BHLHE41: variants seen among roughly 807,000 people sequenced by gnomAD.
The protein encoded by BHLHE41 is basic helix-loop-helix family member e41.
BHLHE41 carries 14 observed loss-of-function variants against 24.0 expected under a neutral mutation model. The observed-to-expected ratio is 0.58, with a 90% confidence interval of 0.39 to 0.91. The LOEUF (loss-of-function observed/expected upper bound fraction) is 0.91, where lower values mean the gene tolerates loss of function less well. Among genes scored for constraint, BHLHE41 ranks in the 40% least tolerant of loss-of-function variants. The pLI, the probability that BHLHE41 is intolerant of heterozygous loss-of-function variation, is 0.00. For missense variants in BHLHE41, 674 were observed against 655.4 expected (o/e 1.03, Z -0.31); for synonymous variants, 394 against 315.5 (o/e 1.25, Z -2.64).
At position 26,124,083 on chromosome 12, in the gene BHLHE41, G is replaced by A; in HGVS notation, c.223C>T (p.Leu75=). ...AQLKDLLPEH[L]KLTTLGHLEK... ...AATGTGCATCTTACTGTCAATTTCA[G>A]ATGTTCAGGCAGTAAATCTTTCAGC... Residue 75 remains leucine, a synonymous_variant, in exon 3 of 5, where the codon CTG becomes TTG. Coordinates refer to ENST00000242728, the MANE Select transcript of BHLHE41 (RefSeq NM_030762.3). 6.2e-7 allele frequency: 1 copy of A among 1,604,150 alleles called. No homozygotes were observed. The highest frequency in any genetic ancestry group is 8.5e-7 in the Non-Finnish European group (1 of 1,170,922).
chr12:26,123,581 G>A, intron 4 of BHLHE41, 49 bp downstream of exon 4: 1 of 1,331,180 alleles, frequency 7.5e-7, no homozygotes, highest in East Asian at 2.3e-5. Context: ...GCTCCCCTGT[G>A]GGCTGCCCCG....
In BHLHE41 at chr12:26,122,532, G is replaced by C. The variant is rs765029255; in HGVS notation, c.983C>G (p.Ala328Gly). Residue 328 changes from alanine (A) to glycine (G), a missense_variant, in exon 5 of 5, where the codon GCG (alanine) becomes GGG (glycine). By Grantham distance (60) the Ala-to-Gly change is moderately conservative. Coordinates refer to ENST00000242728, the MANE Select transcript of BHLHE41 (RefSeq NM_030762.3). Reference sequence around the variant, plus strand: ...GGGCGCGCCTCCGCCTCCGCCGAACGCCACCAGCGAGCTGAGCAGGGCGGC... The same window carrying C: ...GGGCGCGCCTCCGCCTCCGCCGAACCCCACCAGCGAGCTGAGCAGGGCGGC... Reference protein sequence around the residue: ...PDAALLSSLVAFGGGGGAPFP... With the variant: ...PDAALLSSLVGFGGGGGAPFP... The C allele has an allele frequency of 7.9e-7, 1 of 1,267,280 alleles. No individual in the cohort carries two copies. Among genetic ancestry groups the C allele is most frequent in the Non-Finnish European group, 1.0e-6 (1 of 995,250 alleles). The allele number at this position is 1,267,280 out of a possible 1,614,324, so 78.5% of individuals were successfully genotyped here. A position where few individuals can be genotyped will look rare whatever the true frequency, so the allele number is the denominator to read the frequency against.
At chr12:26,124,014 G>A (rs1591839572) in intron 3 of BHLHE41, 58 bp downstream of exon 3, 2 of 1,149,510 alleles carry the variant, frequency 1.7e-6, no homozygotes, top group African/African-American at 3.0e-5. Flanking sequence ...TCTGGGAGTC[G>A]CACCAGACTA....
rs1427117115 is a variant in BHLHE41 at position 26,122,117 on chromosome 12, C to T, written c.1398G>A (p.Pro466=). Reference sequence around the variant, plus strand: ...AGGGATCTTCCTGAGCAGAGCTCTCCGGGTTCCCCGGCTCGCGGGGCCCGG... The same window carrying T: ...AGGGATCTTCCTGAGCAGAGCTCTCTGGGTTCCCCGGCTCGCGGGGCCCGG... ...PFAGPREPGN[P]ESSAQEDPSQ... The change falls in exon 5 of 5, where the codon CCG becomes CCA. Residue 466 remains proline (P), a synonymous_variant. Transcript: ENST00000242728. 3 of 1,549,228 alleles carry T rather than the reference C, an allele frequency of 1.9e-6. No homozygotes were observed. The highest frequency in any genetic ancestry group is 1.7e-6 in the Non-Finnish European group (2 of 1,146,406).
Position 26,122,996 on chromosome 12 carries a change from G to T in BHLHE41, c.519C>A (p.Phe173Leu). The T allele has an allele frequency of 6.4e-7, 1 of 1,566,928 alleles. No individual in the cohort carries two copies. Among genetic ancestry groups the T allele is most frequent in the Non-Finnish European group, 8.7e-7 (1 of 1,155,254 alleles). The change falls in exon 5 of 5, where the codon TTC becomes TTA. Residue 173 changes from phenylalanine to leucine, a missense_variant. Around this residue, in one of 3 missense-constraint regions of BHLHE41, gnomAD observed 602 missense variants for 570.8 expected, o/e 1.05. Transcript: ENST00000242728. ...INHLHAVATQ[F>L]LPTPQLLTQQ... ...GAGTCAACAGCTGCGGGGTGGGCAA[G>T]AACTGGGTGGCCACGGCGTGCAAGT...
In BHLHE41 at chr12:26,124,108, C is replaced by T. The variant is rs1054868339; in HGVS notation, c.198G>A (p.Gln66=). 6.2e-7 allele frequency: 1 copy of T among 1,612,760 alleles called. No individual in the cohort carries two copies. The change falls in exon 3 of 5, where the codon CAG becomes CAA. Residue 66 remains glutamine (Q), a synonymous_variant. Coordinates refer to ENST00000242728, the MANE Select transcript of BHLHE41 (RefSeq NM_030762.3). ...RRDRINECIA[Q]LKDLLPEHLK... ...GATGTTCAGGCAGTAAATCTTTCAG[C>T]TGAGCAATGCATTCATTAATTCGGT...
Position 26,122,468 on chromosome 12 carries a change from C to A in BHLHE41, c.1047G>T (p.Leu349=). 1 of 1,351,154 alleles carries A rather than the reference C, an allele frequency of 7.4e-7. No individual in the cohort carries two copies. The highest frequency in any genetic ancestry group is 9.6e-7 in the Non-Finnish European group (1 of 1,042,446). The allele number at this position is 1,351,154 out of a possible 1,614,324, so 83.7% of individuals were successfully genotyped here. A position where few individuals can be genotyped will look rare whatever the true frequency, so the allele number is the denominator to read the frequency against. The change falls in exon 5 of 5, where the codon CTG becomes CTT. Residue 349 remains leucine, a synonymous_variant. Coordinates refer to ENST00000242728, the MANE Select transcript of BHLHE41 (RefSeq NM_030762.3). The part of the protein sequence containing the change: ...QPAAAAAPFC[L]PFCFLSPSAA... ...CAGAAGGCGAGAGGAAGCAGAAGGG[C>A]AGGCAGAAGGGGGCCGCGGCGGCCG...
At chr12:26,124,411 GAAGCT>G in intron 2 of BHLHE41, 103 bp downstream of exon 2, 1 of 1,256,522 alleles carries the variant, frequency 8.0e-7, no homozygotes, top group Non-Finnish European at 1.2e-6. Flanking sequence ...CACAGTTGGG[GAAGCT>G]CAGGGGCTGG....
rs866389633 is a variant in BHLHE41, at chr12:26,122,986, G to C, written c.529C>G (p.Pro177Ala). 1 of 1,565,752 alleles carries C rather than the reference G, an allele frequency of 6.4e-7. No individual in the cohort carries two copies. Among genetic ancestry groups the C allele is most frequent in the Non-Finnish European group, 8.7e-7 (1 of 1,154,672 alleles). ...HAVATQFLPT[P>A]QLLTQQVPLS... Reference sequence around the variant, plus strand: ...GGGACCTGTTGAGTCAACAGCTGCGGGGTGGGCAAGAACTGGGTGGCCACG... The same window carrying C: ...GGGACCTGTTGAGTCAACAGCTGCGCGGTGGGCAAGAACTGGGTGGCCACG... Residue 177 changes from proline to alanine, a missense_variant, in exon 5 of 5, where the codon CCG becomes GCG. Pro to Ala is a conservative substitution (Grantham distance 27, BLOSUM62 -1). This residue lies in a region of BHLHE41 where 602 missense variants were observed against 570.8 expected (regional missense o/e 1.05). Transcript: ENST00000242728.
Position 26,122,856 on chromosome 12 carries a change from A to C in BHLHE41, c.659T>G (p.Val220Gly). 5 of 1,569,422 alleles carry C rather than the reference A, an allele frequency of 3.2e-6. No individual in the cohort carries two copies. Among genetic ancestry groups the C allele is most frequent in the Non-Finnish European group, 4.3e-6 (5 of 1,159,638 alleles). Reference protein sequence around the residue: ...KLEPLAYCVPVIQRTQPSAEL... With the variant: ...KLEPLAYCVPGIQRTQPSAEL... The stretch of plus-strand genomic sequence containing the variant: ...GGCGCTGGGCTGAGTCCGCTGGATG[A>C]CGGGCACGCAGTAGGCGAGGGGCTC... Residue 220 changes from valine (V) to glycine (G), a missense_variant, in exon 5 of 5, where the codon GTC becomes GGC. Val to Gly is a moderately radical substitution (Grantham distance 109). Coordinates refer to ENST00000242728, the MANE Select transcript of BHLHE41 (RefSeq NM_030762.3).
chr12:26,124,375 G>A, intron 2 of BHLHE41, 144 bp downstream of exon 2: 1 of 937,948 alleles, frequency 1.1e-6, no homozygotes, highest in South Asian at 1.4e-5. Context: ...ATCCCCCTGA[G>A]AGTACCCAGC....
At position 26,125,033 on chromosome 12, in the gene BHLHE41, G is replaced by C; in HGVS notation, c.-254C>G. 1.8e-6 allele frequency: 1 copy of C among 570,826 alleles called. No homozygotes were observed. The highest frequency in any genetic ancestry group is 3.2e-6 in the Non-Finnish European group (1 of 314,150). The allele number at this position is 570,826 out of a possible 1,614,324, so 35.4% of individuals were successfully genotyped here. On this transcript the variant is annotated 5_prime_UTR_variant, in exon 1 of 5. Transcript: ENST00000242728. ...GTAGTTTGCTCTCACTCCAGGCAGT[G>C]TTTGGCCACAGGGCACGCGCGTCGC...
Position 26,122,340 on chromosome 12 carries a change from A to T in BHLHE41, c.1175T>A (p.Ile392Asn). ...AAPFPLLYPG[I>N]PAPAAAAAAA... Reference sequence around the variant, plus strand: ...TGCCGCGGCTGCCGCCGGGGCGGGGATGCCGGGGTATAGCAGCGGGAACGG... The same window carrying T: ...TGCCGCGGCTGCCGCCGGGGCGGGGTTGCCGGGGTATAGCAGCGGGAACGG... Residue 392 changes from isoleucine to asparagine, a missense_variant, in exon 5 of 5, where the codon ATC becomes AAC. This residue lies in a region of BHLHE41 where 602 missense variants were observed against 570.8 expected (regional missense o/e 1.05). Coordinates refer to ENST00000242728, the MANE Select transcript of BHLHE41 (RefSeq NM_030762.3). 8.9e-7 allele frequency: 1 copy of T among 1,123,596 alleles called. No homozygotes were observed. Among genetic ancestry groups the T allele is most frequent in the Non-Finnish European group, 1.1e-6 (1 of 923,682 alleles). 69.6% of individuals were successfully genotyped at this position (1,123,596 alleles called of 1,614,324 possible).
Position 26,124,987 on chromosome 12 carries a change from C to CG in BHLHE41, c.-209dup. 1.5e-6 allele frequency: 1 copy of CG among 646,776 alleles called. No homozygotes were observed. Among genetic ancestry groups the CG allele is most frequent in the East Asian group, 2.8e-5 (1 of 36,356 alleles). The allele number at this position is 646,776 out of a possible 1,614,324, so 40.1% of individuals were successfully genotyped here. ...ACACACACGCACACACACGCACACT[C>CG]GCGCCGGCCCCACTGCGCTGGTAGT... On this transcript the variant is annotated 5_prime_UTR_variant, in exon 1 of 5. Transcript: ENST00000242728.
chr12:26,122,317 C>T lies in BHLHE41; in HGVS notation c.1198G>A (p.Ala400Thr). ...PGIPAPAAAAAAAAAAAAAAA... is the reference protein window; with the variant it reads ...PGIPAPAAAATAAAAAAAAAA... ...GCGGCGGCAGCGGCGGCGGCGGCTG[C>T]CGCGGCTGCCGCCGGGGCGGGGATG... is the stretch of plus-strand genomic sequence containing the variant. Residue 400 changes from alanine to threonine, a missense_variant, in exon 5 of 5, where the codon GCA (alanine) becomes ACA (threonine). By Grantham distance (58) the Ala-to-Thr change is moderately conservative (BLOSUM62 0). Around this residue, in one of 3 missense-constraint regions of BHLHE41, gnomAD observed 602 missense variants for 570.8 expected, o/e 1.05. Coordinates refer to ENST00000242728, the MANE Select transcript of BHLHE41 (RefSeq NM_030762.3). 7 of 1,169,136 alleles carry T rather than the reference C, an allele frequency of 6.0e-6. No homozygotes were observed. The highest frequency in any genetic ancestry group is 6.3e-6 in the Non-Finnish European group (6 of 949,554). The allele number at this position is 1,169,136 out of a possible 1,614,324, so 72.4% of individuals were successfully genotyped here.
Position 26,122,809 on chromosome 12 carries a change from T to C in BHLHE41, c.706A>G (p.Thr236Ala). 2.5e-6 allele frequency: 4 copies of C among 1,592,852 alleles called. No individual in the cohort carries two copies. Among genetic ancestry groups the C allele is most frequent in the South Asian group, 2.3e-5 (2 of 88,436 alleles). The change falls in exon 5 of 5, where the codon ACG becomes GCG. Residue 236 changes from threonine (T) to alanine (A), a missense_variant. Physicochemically the swap from Thr to Ala is moderately conservative, Grantham distance 58. Around this residue, in one of 3 missense-constraint regions of BHLHE41, gnomAD observed 602 missense variants for 570.8 expected, o/e 1.05. Transcript: ENST00000242728. ...CCGCCGTAGCCGCTGTCGGTGTCCGTGTCGTTCTCGGCGGCGAGCTCGGCG... is the reference window on the plus strand; with the variant it reads ...CCGCCGTAGCCGCTGTCGGTGTCCGCGTCGTTCTCGGCGGCGAGCTCGGCG... ...PSAELAAEND[T>A]DTDSGYGGEA...
Position 26,122,641 on chromosome 12 carries a change from C to CGCCGCCGCT in BHLHE41, c.865_873dup (p.Ser289_Gly291dup). The CGCCGCCGCT allele has an allele frequency of 2.3e-6, 3 of 1,303,626 alleles. No homozygotes were observed. The highest frequency in any genetic ancestry group is 2.9e-6 in the Non-Finnish European group (3 of 1,020,232). 80.8% of individuals were successfully genotyped at this position (1,303,626 alleles called of 1,614,324 possible). A position where few individuals can be genotyped will look rare whatever the true frequency, so the allele number is the denominator to read the frequency against. On this transcript the variant is annotated inframe_insertion, in exon 5 of 5. Coordinates refer to ENST00000242728, the MANE Select transcript of BHLHE41 (RefSeq NM_030762.3). Reference sequence around the variant, plus strand: ...GCCGCCGCCGCGCCGCCCCCCGGGCCGCCGCCGCTGCCGCCGCCGCGGGAA... The same window carrying CGCCGCCGCT: ...GCCGCCGCCGCGCCGCCCCCCGGGCCGCCGCCGCTGCCGCCGCTGCCGCCGCCGCGGGAA...
In BHLHE41 at chr12:26,121,802, G is replaced by C; in HGVS notation, c.*264C>G. On this transcript the variant is annotated 3_prime_UTR_variant, in exon 5 of 5. Transcript: ENST00000242728. The stretch of plus-strand genomic sequence containing the variant: ...TTAAAAAAAAGAGCCAGTGTCTTTC[G>C]CATAGGATCTTTTACAGCTGGTGGG... 2 of 719,600 alleles carry C rather than the reference G, an allele frequency of 2.8e-6. No homozygotes were observed. Among genetic ancestry groups the C allele is most frequent in the South Asian group, 2.2e-5 (1 of 46,488 alleles). The allele number at this position is 719,600 out of a possible 1,614,324, so 44.6% of individuals were successfully genotyped here.
Position 26,122,642 on chromosome 12 carries a change from G to T in BHLHE41, c.873C>A (p.Gly291=). 2 of 1,308,392 alleles carry T rather than the reference G, an allele frequency of 1.5e-6. No homozygotes were observed. Among genetic ancestry groups the T allele is most frequent in the Non-Finnish European group, 9.8e-7 (1 of 1,022,710 alleles). 81.0% of individuals were successfully genotyped at this position (1,308,392 alleles called of 1,614,324 possible). The change falls in exon 5 of 5, where the codon GGC becomes GGA. Residue 291 remains glycine (G), a synonymous_variant. Coordinates refer to ENST00000242728, the MANE Select transcript of BHLHE41 (RefSeq NM_030762.3). Reference sequence around the variant, plus strand: ...CCGCCGCCGCGCCGCCCCCCGGGCCGCCGCCGCTGCCGCCGCCGCGGGAAT... The same window carrying T: ...CCGCCGCCGCGCCGCCCCCCGGGCCTCCGCCGCTGCCGCCGCCGCGGGAAT... ...KLDSRGGGSG[G]GPGGGAAAAA...
Sources: gnomAD v4.1 joint callset for allele counts on GRCh38, gnomAD v4.1.1 for gene constraint, gnomAD v4.1.1 regional missense constraint, MANE v1.5 for transcripts, NCBI Gene and HGNC (gene_info 2026-07-23, HGNC 2026-07-21) for gene names.